Variants in PRDM1 observed in about 807,000 individuals in gnomAD.
The protein encoded by PRDM1 is PR/SET domain 1.
In PRDM1, 13 loss-of-function variants were observed where a neutral mutation model predicts 62.8. The ratio of observed to expected loss-of-function variants is 0.21; its 90% confidence interval spans 0.13 to 0.33. The LOEUF (loss-of-function observed/expected upper bound fraction) is 0.33. PRDM1 is among the 10% of genes least tolerant of loss of function. The probability of loss-of-function intolerance (pLI) is 1.00; values close to 1 mark genes in which losing one functional copy is unlikely to be tolerated. For missense variants in PRDM1, 895 were observed against 1,058.8 expected (o/e 0.85, Z 2.15); for synonymous variants, 396 against 417.6 (o/e 0.95, Z 0.63).
Position 106,095,623 on chromosome 6 carries a change from A to G in PRDM1, c.300A>G (p.Gly100=), listed in dbSNP as rs775342433. 8 of 1,613,824 alleles carry G rather than the reference A, an allele frequency of 5.0e-6. No homozygotes were observed. Among genetic ancestry groups the G allele is most frequent in the Non-Finnish European group, 6.8e-6 (8 of 1,179,882 alleles). Residue 100 remains glycine, a synonymous_variant, in exon 3 of 7, where the codon GGA becomes GGG. Coordinates refer to ENST00000369096, the MANE Select transcript of PRDM1 (RefSeq NM_001198.4). ...KYATNSEEVI[G]VMSKEYIPKG... Reference sequence around the variant, plus strand: ...TGTTTTTTCCTGTTTAGGTTATTGGAGTGATGAGTAAAGAATACATACCAA... The same window carrying G: ...TGTTTTTTCCTGTTTAGGTTATTGGGGTGATGAGTAAAGAATACATACCAA...
chr6:106,020,024 A>G (rs943912084), intron 1 of PRDM1, among the ~76,000 whole-genome samples: 1 of 149,730 alleles, frequency 6.7e-6, no homozygotes, highest in Non-Finnish European at 1.5e-5. Context: ...GAGGTCAGGA[A>G]GAGACAAGCC....
chr6:106,008,447 G>T (rs1424534803), intron 1 of PRDM1, among the ~76,000 whole-genome samples: 3 of 151,644 alleles, frequency 2.0e-5, no homozygotes, highest in Non-Finnish European at 4.4e-5. Context: ...CCGAGCTGGG[G>T]TGCCCCTCCT....
At chr6:106,012,968 G>A (rs1385994913) in intron 1 of PRDM1, among the ~76,000 whole-genome samples, 1 of 152,126 alleles carries the variant, frequency 6.6e-6, no homozygotes. Flanking sequence ...CTGGAGTGCA[G>A]TGGCACCCTC....
intron 1 of PRDM1, among the ~76,000 whole-genome samples, chr6:105,996,891 G>A (rs1772355384): frequency 1.3e-5 from 2 of 152,140 alleles, no homozygotes; most frequent in African/African-American, 2.4e-5. Flanking sequence ...TGGCGTGGAG[G>A]CACATCACCA....
At chr6:106,044,462 G>C (rs1773045127), upstream of PRDM1, among the ~76,000 whole-genome samples, 1 of 152,162 alleles carries the variant, frequency 6.6e-6, no homozygotes, top group African/African-American at 2.4e-5. Context: ...GTGTAAAATA[G>C]ATAGTATTGA....
rs79902391 is a variant in PRDM1, at chr6:106,000,330, C to G, written c.-67+6691C>G. 7.0e-3 allele frequency among the ~76,000 whole-genome samples: 1,062 copies of G among 152,260 alleles called. 10 individuals are homozygous for G. The highest frequency in any genetic ancestry group is 0.024 in the African/African-American group (978 of 41,554). ...GCACACCTGTAGTCCCAGCTACTCT[C>G]AAGGCTGAGGCAGAGGCTGAGGTAG... On this transcript the variant is annotated intron_variant, in intron 1 of 6. Coordinates refer to the PRDM1 transcript ENST00000652320.
chr6:106,098,105 G>T (rs986990125), intron 3 of PRDM1: 3 of 611,276 alleles, frequency 4.9e-6, no homozygotes, highest in Non-Finnish European at 2.0e-6. Flanking sequence ...TAGCATAGTC[G>T]GTACGTGAGT....
chr6:106,044,051 T>C (rs1400014622), upstream of PRDM1, among the ~76,000 whole-genome samples: 2 of 152,206 alleles, frequency 1.3e-5, no homozygotes, highest in Non-Finnish European at 2.9e-5. Flanking sequence ...CCCCACTATA[T>C]GTGTGAATAT....
chr6:106,108,440 T>C lies in PRDM1; in HGVS notation c.*954T>C, dbSNP rs1774575138. 1 of 233,108 alleles carries C rather than the reference T, an allele frequency of 4.3e-6. No individual in the cohort carries two copies. The highest frequency in any genetic ancestry group is 8.5e-6 in the Non-Finnish European group (1 of 117,946). 14.4% of individuals were successfully genotyped at this position (233,108 alleles called of 1,614,324 possible). A position where few individuals can be genotyped will look rare whatever the true frequency, so the allele number is the denominator to read the frequency against. ...CATGTTTTAAAACCACTGCGAAAAT[T>C]TCCCCAAAGCATAGGTGGCTTTGTG... On this transcript the variant is annotated 3_prime_UTR_variant, in exon 7 of 7. Transcript: ENST00000369096.
chr6:106,021,714 G>A (rs938287623), intron 1 of PRDM1, among the ~76,000 whole-genome samples: 3 of 152,146 alleles, frequency 2.0e-5, no homozygotes, highest in Admixed American at 6.6e-5. Flanking sequence ...TCTGCCTCCC[G>A]GGTTCAATCG....
chr6:106,034,342 A>G (rs1772892255), intron 1 of PRDM1, among the ~76,000 whole-genome samples: 1 of 151,802 alleles, frequency 6.6e-6, no homozygotes, highest in South Asian at 2.1e-4. Context: ...TTATATAGTT[A>G]GGTTGTTGAT....
At chr6:106,032,849 G>C (rs1772866182) in intron 1 of PRDM1, among the ~76,000 whole-genome samples, 1 of 152,136 alleles carries the variant, frequency 6.6e-6, no homozygotes, top group South Asian at 2.1e-4. Flanking sequence ...ATCAATTCTT[G>C]ATTATTTTAA....
At chr6:105,993,541 T>A (rs1772308761) in exon 1 of PRDM1, among the ~76,000 whole-genome samples, 1 of 152,234 alleles carries the variant, frequency 6.6e-6, no homozygotes, top group South Asian at 2.1e-4. Flanking sequence ...AGGTGCCACT[T>A]GGAAGATTGC....
chr6:106,053,262 T>G (rs906317857), intron 1 of PRDM1, among the ~76,000 whole-genome samples: 9 of 152,160 alleles, frequency 5.9e-5, no homozygotes, highest in Admixed American at 5.9e-4. Flanking sequence ...GAAAAAGCCT[T>G]GTTGCAAATA....
rs76647609 is a variant in PRDM1 at position 106,092,132 on chromosome 6, A to G, written c.292-3483A>G. On this transcript the variant is annotated intron_variant, in intron 2 of 6. Coordinates refer to ENST00000369096, the MANE Select transcript of PRDM1 (RefSeq NM_001198.4). ...CATACTCTCTAAAGAAGGAATTTGA[A>G]AAAAAAAAAAAAAAACAAACCTATA... Among the ~76,000 whole-genome samples the G allele has an allele frequency of 4.3e-3, 614 of 141,458 alleles. 6 individuals are homozygous for G. Among genetic ancestry groups the G allele is most frequent in the African/African-American group, 0.015 (569 of 38,642 alleles). The allele number at this position is 141,458 out of a possible 152,430, so 92.8% of individuals were successfully genotyped here. A position where few individuals can be genotyped will look rare whatever the true frequency, so the allele number is the denominator to read the frequency against.
intron 1 of PRDM1, among the ~76,000 whole-genome samples, chr6:106,010,839 G>A (rs1419258983): frequency 6.6e-6 from 1 of 152,152 alleles, no homozygotes; most frequent in African/African-American, 2.4e-5. Flanking sequence ...GCCTTTCCCA[G>A]GATGTCACTG....
intron 4 of PRDM1, among the ~76,000 whole-genome samples, chr6:106,101,213 A>AGG (rs1774261484): frequency 6.6e-6 from 1 of 152,042 alleles, no homozygotes; most frequent in African/African-American, 2.4e-5. Context: ...ATGGATTCAG[A>AGG]GGAAAGTCTT....
At chr6:106,005,420 C>T (rs1478216683) in intron 1 of PRDM1, among the ~76,000 whole-genome samples, 1 of 152,196 alleles carries the variant, frequency 6.6e-6, no homozygotes, top group Non-Finnish European at 1.5e-5. Context: ...AGCTGTCAAC[C>T]AGGTGTTTAA....
chr6:106,105,844 C>G lies in PRDM1; in HGVS notation c.1684C>G (p.Leu562Val), dbSNP rs2114658366. Residue 562 changes from leucine (L) to valine (V), a missense_variant, in exon 5 of 7, where the codon CTT (leucine) becomes GTT (valine). Leu to Val is a conservative substitution (Grantham distance 32). Around this residue, in one of 4 missense-constraint regions of PRDM1, gnomAD observed 74 missense variants for 172.4 expected, o/e 0.43. Coordinates refer to ENST00000369096, the MANE Select transcript of PRDM1 (RefSeq NM_001198.4). ...AAGAAACATGACCGGCTACAAGACC[C>G]TTCCCTACCCGCTGAAGAAGCAGAA... Reference protein sequence around the residue: ...NKRNMTGYKTLPYPLKKQNGK... With the variant: ...NKRNMTGYKTVPYPLKKQNGK... 1 of 1,614,220 alleles carries G rather than the reference C, an allele frequency of 6.2e-7. No individual in the cohort carries two copies. The highest frequency in any genetic ancestry group is 1.1e-5 in the South Asian group (1 of 91,088).
Sources: gnomAD v4.1 joint callset for allele counts (sites outside exome capture counted in the v4.1 genomes callset) on GRCh38, gnomAD v4.1.1 for gene constraint, gnomAD v4.1.1 regional missense constraint, MANE v1.5 for transcripts, NCBI Gene and HGNC (gene_info 2026-07-23, HGNC 2026-07-21) for gene names.